The following KIF3A variants were observed in gnomAD, a reference collection of about 807,000 sequenced individuals.
KIF3A encodes the protein kinesin family member 3A.
KIF3A carries 27 observed loss-of-function variants against 92.6 expected under a neutral mutation model. The observed-to-expected ratio is 0.29, with a 90% CI of 0.21 to 0.40. KIF3A has a LOEUF of 0.40. KIF3A is among the 10% of genes least tolerant of loss of function. The probability of loss-of-function intolerance (pLI) is 1.00; values close to 1 mark genes in which losing one functional copy is unlikely to be tolerated. For synonymous variants in KIF3A, 250 were observed against 275.4 expected (o/e 0.91, Z 0.92); for missense variants, 581 against 872.6 (o/e 0.67, Z 4.21).
rs1561686842 is a variant in KIF3A at position 132,696,409 on chromosome 5, A to G, written c.*225T>C. The G allele has an allele frequency of 4.3e-6, 2 of 469,022 alleles. No individual in the cohort carries two copies. Among genetic ancestry groups the G allele is most frequent in the Non-Finnish European group, 7.7e-6 (2 of 260,070 alleles). The allele number at this position is 469,022 out of a possible 1,614,324, so 29.1% of individuals were successfully genotyped here. On this transcript the variant is annotated 3_prime_UTR_variant, in exon 19 of 19. Transcript: ENST00000403231. ...ACTTCCCTGCACAGTACAATTGAAGAGTAGTAGTACAACAATTTGAACAAT... is the reference window on the plus strand; with the variant it reads ...ACTTCCCTGCACAGTACAATTGAAGGGTAGTAGTACAACAATTTGAACAAT...
intron 2 of KIF3A, among the ~76,000 whole-genome samples, chr5:132,731,944 C>T (rs181218537): frequency 2.6e-5 from 4 of 152,174 alleles, no homozygotes; most frequent in African/African-American, 9.6e-5. Context: ...CTCCCGACCT[C>T]GTGATCTGCC....
Position 132,735,053 on chromosome 5 carries a change from T to C in KIF3A, c.7-575A>G, listed in dbSNP as rs536754150. ...ACCTAACCTTATAAGCATTTGTATA[T>C]GTAAAGTTTCCATTTCTGAATTTTT... On this transcript the variant is annotated intron_variant, in intron 1 of 18. Transcript: ENST00000403231. Among the ~76,000 whole-genome samples, 15 of 152,280 alleles carry C rather than the reference T, an allele frequency of 9.9e-5. No homozygotes were observed. In the South Asian group the frequency reaches 3.1e-3, roughly 32 times the overall value.
intron 8 of KIF3A, among the ~76,000 whole-genome samples, chr5:132,715,412 T>C (rs1753583478): frequency 3.9e-5 from 6 of 152,226 alleles, no homozygotes; most frequent in Admixed American, 3.9e-4. Context: ...TTGATTGCAA[T>C]GCCAGAATTC....
At chr5:132,729,426 TG>T (rs564416602) in intron 2 of KIF3A, among the ~76,000 whole-genome samples, 38 of 151,508 alleles carry the variant, frequency 2.5e-4, no homozygotes, top group Middle Eastern at 3.4e-3. Flanking sequence ...CACCCCAGCC[TG>T]GGTGACAGGG....
At chr5:132,733,378 G>A (rs1561715485) in intron 2 of KIF3A, among the ~76,000 whole-genome samples, 1 of 151,928 alleles carries the variant, frequency 6.6e-6, no homozygotes, top group Non-Finnish European at 1.5e-5. Flanking sequence ...ATTCACAATA[G>A]CATCAAAAAA....
chr5:132,734,623 T>C (rs1397638365), intron 1 of KIF3A, 145 bp from the exon 2 acceptor site: 1 of 657,716 alleles, frequency 1.5e-6, no homozygotes, highest in Middle Eastern at 4.2e-4. Context: ...TAAATGCAAT[T>C]AAAGATCTTA....
chr5:132,715,034 T>G (rs1753570008), intron 8 of KIF3A, among the ~76,000 whole-genome samples: 1 of 152,192 alleles, frequency 6.6e-6, no homozygotes, highest in Non-Finnish European at 1.5e-5. Flanking sequence ...CGTCTCTGAA[T>G]TTCACCTCTG....
chr5:132,735,135 C>T lies in KIF3A; in HGVS notation c.7-657G>A, dbSNP rs1348579668. 3.9e-5 allele frequency among the ~76,000 whole-genome samples: 6 copies of T among 152,148 alleles called. No individual in the cohort carries two copies. In the South Asian group the frequency reaches 6.2e-4, roughly 16 times the overall value. ...TGTCACCCAGGCTGGAGTGCAGTGGCGTGATCTCAGCTCACTGCAACCTCT... is the reference window on the plus strand; with the variant it reads ...TGTCACCCAGGCTGGAGTGCAGTGGTGTGATCTCAGCTCACTGCAACCTCT... On this transcript the variant is annotated intron_variant, in intron 1 of 18. Transcript: ENST00000403231.
At chr5:132,708,774 G>T in intron 10 of KIF3A, 133 bp downstream of exon 10, 1 of 557,694 alleles carries the variant, frequency 1.8e-6, no homozygotes, top group Non-Finnish European at 3.2e-6. Flanking sequence ...ATCATCACAT[G>T]CTTTGTTCTA....
chr5:132,708,092 G>C (rs1753281713), intron 10 of KIF3A, among the ~76,000 whole-genome samples: 1 of 151,974 alleles, frequency 6.6e-6, no homozygotes, highest in African/African-American at 2.4e-5. Flanking sequence ...GACCATCCTG[G>C]CTAACACGGT....
chr5:132,715,264 C>T (rs962868854), intron 8 of KIF3A, among the ~76,000 whole-genome samples: 10 of 152,084 alleles, frequency 6.6e-5, no homozygotes, highest in African/African-American at 1.9e-4. Context: ...AAAGAATTTC[C>T]AAAATACAAT....
At chr5:132,713,869 CAA>C (rs1238821603) in intron 8 of KIF3A, among the ~76,000 whole-genome samples, 1 of 141,270 alleles carries the variant, frequency 7.1e-6, no homozygotes, top group Non-Finnish European at 1.5e-5. Context: ...CACAAAAAGA[CAA>C]ATGCTGTATT....
At chr5:132,732,425 TAATA>T (rs1443781148) in intron 2 of KIF3A, among the ~76,000 whole-genome samples, 3 of 152,192 alleles carry the variant, frequency 2.0e-5, no homozygotes. Flanking sequence ...GTTCACCAAC[TAATA>T]AATGGATAAA....
intron 8 of KIF3A, among the ~76,000 whole-genome samples, chr5:132,715,019 G>A (rs1753569210): frequency 6.6e-6 from 1 of 152,086 alleles, no homozygotes. Context: ...CATTTGTGAT[G>A]CTGGCGTCTC....
At chr5:132,702,839 A>T (rs762710701) in intron 13 of KIF3A, 46 bp downstream of exon 13, 1 of 1,576,846 alleles carries the variant, frequency 6.3e-7, no homozygotes, top group South Asian at 1.1e-5. Context: ...AGAAAAGTTA[A>T]ATCTCTCTGG....
intron 8 of KIF3A, among the ~76,000 whole-genome samples, chr5:132,714,077 A>G (rs2149904624): frequency 6.6e-6 from 1 of 151,756 alleles, no homozygotes; most frequent in Middle Eastern, 3.4e-3. Flanking sequence ...TTGTATTTTC[A>G]GTAAAGATGG....
chr5:132,702,293 C>A, intron 14 of KIF3A, 81 bp from the exon 15 acceptor site: 1 of 1,382,424 alleles, frequency 7.2e-7, no homozygotes, highest in South Asian at 1.3e-5. Flanking sequence ...GGATGCTTGT[C>A]TAAGAAACCT....
intron 10 of KIF3A, among the ~76,000 whole-genome samples, chr5:132,706,850 C>G (rs2299011): frequency 0.32 from 48,870 of 151,920 alleles, 10,979 homozygotes; most frequent in East Asian, 0.76. Context: ...AAGGGCAAAA[C>G]AGAAAATTAA....
At position 132,716,984 on chromosome 5, in the gene KIF3A, C is replaced by A; in HGVS notation, c.617G>T (p.Arg206Leu). 1 of 1,612,296 alleles carries A rather than the reference C, an allele frequency of 6.2e-7. No homozygotes were observed. The highest frequency in any genetic ancestry group is 8.5e-7 in the Non-Finnish European group (1 of 1,179,200). Residue 206 changes from arginine to leucine, a missense_variant and splice_region_variant, in exon 6 of 19, where the codon CGT (arginine) becomes CTT (leucine). This residue lies in a region of KIF3A where 217 missense variants were observed against 299.7 expected (regional missense o/e 0.72). Coordinates refer to ENST00000403231, the MANE Select transcript of KIF3A (RefSeq NM_001300791.2). ...GTTCATATTAGTTGCACCAACAGAACCTTTAATAAATAAACGAAATCCTTT... is the reference window on the plus strand; with the variant it reads ...GTTCATATTAGTTGCACCAACAGAAACTTTAATAAATAAACGAAATCCTTT... ...DRIMTLGHKN[R>L]SVGATNMNEH...
Sources: allele counts gnomAD v4.1 joint callset (sites outside exome capture counted in the v4.1 genomes callset), GRCh38; gene constraint gnomAD v4.1.1; regional missense constraint gnomAD v4.1.1; transcripts MANE v1.5; gene names NCBI Gene and HGNC (gene_info 2026-07-23, HGNC 2026-07-21).